The following TTLL5 variants were observed in gnomAD, a reference collection of about 807,000 sequenced individuals.
TTLL5 encodes the protein tubulin tyrosine ligase like 5.
A neutral mutation model predicts 168.4 loss-of-function variants in TTLL5; 132 were observed. That is an observed-to-expected ratio of 0.78 (90% confidence interval 0.68 to 0.91). TTLL5 has a LOEUF of 0.91. TTLL5 is among the 40% of genes least tolerant of loss of function. TTLL5 has a pLI of 0.00. For synonymous variants in TTLL5, 546 were observed against 558.6 expected (o/e 0.98, Z 0.32); for missense variants, 1,545 against 1,581.5 (o/e 0.98, Z 0.39).
intron 13 of TTLL5, among the ~76,000 whole-genome samples, chr14:75,733,747 A>G (rs1241890763): frequency 6.6e-6 from 1 of 152,192 alleles, no homozygotes; most frequent in East Asian, 1.9e-4. Flanking sequence ...AGAAAATTGC[A>G]TGTTAGAGAA....
At chr14:75,949,232 G>A (rs1467093097) in intron 31 of TTLL5, among the ~76,000 whole-genome samples, 1 of 151,718 alleles carries the variant, frequency 6.6e-6, no homozygotes, top group African/African-American at 2.4e-5. Context: ...GAAAAGATAT[G>A]CTTTACAGAG....
intron 31 of TTLL5, among the ~76,000 whole-genome samples, chr14:75,916,956 C>T (rs2033639183): frequency 6.6e-6 from 1 of 152,102 alleles, no homozygotes; most frequent in South Asian, 2.1e-4. Flanking sequence ...TATATGATTC[C>T]ACTTATACAA....
intron 31 of TTLL5, among the ~76,000 whole-genome samples, chr14:75,916,879 A>T (rs2033634717): frequency 6.6e-6 from 1 of 152,246 alleles, no homozygotes; most frequent in Non-Finnish European, 1.5e-5. Context: ...TTCTGCAATA[A>T]GCTACAGCAT....
chr14:75,742,324 C>T (rs1427248856), intron 15 of TTLL5, among the ~76,000 whole-genome samples: 1 of 152,146 alleles, frequency 6.6e-6, no homozygotes, highest in Non-Finnish European at 1.5e-5. Context: ...ATTTGAGGCC[C>T]TTAAATAGTG....
intron 2 of TTLL5, among the ~76,000 whole-genome samples, chr14:75,667,751 G>GTTTTTTTTTTTTTCTTT (rs1883375682): frequency 1.1e-5 from 1 of 89,084 alleles, no homozygotes; most frequent in African/African-American, 4.4e-5. Context: ...ATCTTTTTAT[G>GTTTTTTTTTTTTTCTTT]TTTTTTTTTT....
intron 10 of TTLL5, among the ~76,000 whole-genome samples, chr14:75,718,594 T>C (rs1275660993): frequency 6.6e-6 from 1 of 152,212 alleles, no homozygotes; most frequent in Admixed American, 6.5e-5. Context: ...TGTGAGTGGG[T>C]GATTTTTATT....
chr14:75,868,418 A>C (rs77428838), intron 29 of TTLL5, among the ~76,000 whole-genome samples: 2,135 of 152,304 alleles, frequency 0.014, 39 homozygotes, highest in African/African-American at 0.044. Context: ...AGGTAGGAGA[A>C]AACTGTGCGT....
rs140671344 is a variant in TTLL5 at position 75,748,030 on chromosome 14, C to A, written c.1487+2449C>A. ...AGACAGTTGGGCTCTATTTGCATTT[C>A]CTCTCTGTCTGTGTAGTCTGGAAAT... On this transcript the variant is annotated intron_variant, in intron 17 of 31. Transcript: ENST00000298832. Among the ~76,000 whole-genome samples, 230 of 152,308 alleles carry A rather than the reference C, an allele frequency of 1.5e-3. 1 individual carries two copies. Among genetic ancestry groups the A allele is most frequent in the African/African-American group, 5.1e-3 (214 of 41,574 alleles).
At chr14:75,858,853 C>T (rs911635022) in intron 28 of TTLL5, among the ~76,000 whole-genome samples, 2 of 152,160 alleles carry the variant, frequency 1.3e-5, no homozygotes, top group Non-Finnish European at 2.9e-5. Context: ...TGTTTCTCAT[C>T]AGAAGCACCA....
chr14:75,764,836 C>G, intron 19 of TTLL5, 64 bp downstream of exon 19: 1 of 1,569,358 alleles, frequency 6.4e-7, no homozygotes, highest in Non-Finnish European at 8.7e-7. Context: ...AGTTAACCAG[C>G]TGCTTACTCA....
chr14:75,662,827 A>T (rs902880749), intron 1 of TTLL5, among the ~76,000 whole-genome samples: 3 of 152,208 alleles, frequency 2.0e-5, no homozygotes, highest in Non-Finnish European at 2.9e-5. Context: ...ACAGCTCTTC[A>T]AATATATAGA....
chr14:75,702,563 G>A (rs1886347928), intron 7 of TTLL5, among the ~76,000 whole-genome samples: 1 of 152,130 alleles, frequency 6.6e-6, no homozygotes, highest in African/African-American at 2.4e-5. Context: ...TTATTTTAAA[G>A]CTAGCATCAT....
chr14:75,850,970 T>C (rs1896816083), intron 28 of TTLL5, among the ~76,000 whole-genome samples: 1 of 151,752 alleles, frequency 6.6e-6, no homozygotes, highest in African/African-American at 2.4e-5. Context: ...AGCACACACC[T>C]GTAGTCCTAG....
intron 17 of TTLL5, among the ~76,000 whole-genome samples, chr14:75,748,599 G>GTT (rs1889753851): frequency 6.6e-6 from 1 of 152,204 alleles, no homozygotes; most frequent in African/African-American, 2.4e-5. Flanking sequence ...TTTCAGATCC[G>GTT]TTGCTGAAGT....
intron 28 of TTLL5, among the ~76,000 whole-genome samples, chr14:75,836,117 A>G (rs772914169): frequency 3.3e-5 from 5 of 152,238 alleles, no homozygotes; most frequent in Non-Finnish European, 5.9e-5. Flanking sequence ...ACTGTTCACA[A>G]TAGCTAAGAT....
rs1478396559 is a variant in TTLL5, at chr14:75,720,584, T to C, written c.935-12T>C. 1 of 1,605,574 alleles carries C rather than the reference T, an allele frequency of 6.2e-7. No homozygotes were observed. ...GATATTGAGTCTGAAATTTAAAAAT[T>C]TTTGTTTGCAGCATTGATGGCCCAT... On this transcript the variant is annotated splice_polypyrimidine_tract_variant and intron_variant, in intron 11 of 31. Transcript: ENST00000298832.
intron 27 of TTLL5, among the ~76,000 whole-genome samples, chr14:75,811,777 T>G (rs1202047576): frequency 6.6e-6 from 1 of 152,202 alleles, no homozygotes; most frequent in Admixed American, 6.5e-5. Context: ...CAAACCCTCT[T>G]CACATACCAA....
At chr14:75,854,220 T>C (rs1897022575) in intron 28 of TTLL5, among the ~76,000 whole-genome samples, 1 of 152,212 alleles carries the variant, frequency 6.6e-6, no homozygotes, top group Non-Finnish European at 1.5e-5. Context: ...CTAGTAATCA[T>C]TCTTCTGACT....
chr14:75,809,638 C>T lies in TTLL5; in HGVS notation c.3172-10369C>T, dbSNP rs116865699. Among the ~76,000 whole-genome samples, 625 of 152,274 alleles carry T rather than the reference C, an allele frequency of 4.1e-3. 3 individuals carry two copies. Among genetic ancestry groups the T allele is most frequent in the Middle Eastern group, 0.02 (6 of 294 alleles). On this transcript the variant is annotated intron_variant, in intron 27 of 31. Transcript: ENST00000298832. ...ACAATAAATTGTTAACTGCAATTTT[C>T]CTACTATACTTTCGAATACTAGAAC...
Sources: allele counts gnomAD v4.1 joint callset (sites outside exome capture counted in the v4.1 genomes callset), GRCh38; gene constraint gnomAD v4.1.1; transcripts MANE v1.5; gene names NCBI Gene and HGNC (gene_info 2026-07-23, HGNC 2026-07-21).